MYO7B: variants seen among roughly 807,000 people sequenced by gnomAD.
MYO7B encodes unconventional myosin-VIIb.
Under a neutral mutation model 259.7 loss-of-function variants are expected in MYO7B, and 212 were observed. That is an observed-to-expected ratio of 0.82 (90% confidence interval 0.73 to 0.91). MYO7B has a LOEUF of 0.91. MYO7B is among the 40% of genes least tolerant of loss of function. The pLI, the probability that MYO7B is intolerant of heterozygous loss-of-function variation, is 0.00. For missense variants in MYO7B, 2,732 were observed against 2,813.5 expected, an observed-to-expected ratio of 0.97 and a Z score of 0.66; for synonymous variants, 1,197 against 1,166.4, an observed-to-expected ratio of 1.03 and a Z score of -0.54.
chr2:127,635,590 T>A, intron 43 of MYO7B, 132 bp from the exon 44 acceptor site: 1 of 999,814 alleles, frequency 1.0e-6, no homozygotes, highest in Non-Finnish European at 1.4e-6. Flanking sequence ...GGCCTGAAAC[T>A]CTCTACCCTG....
intron 22 of MYO7B, 67 bp downstream of exon 22, chr2:127,608,945 C>T: frequency 1.3e-6 from 2 of 1,533,078 alleles, no homozygotes; most frequent in Non-Finnish European, 1.8e-6. Context: ...AGTCCGTGAA[C>T]TCAGTCCACC....
chr2:127,543,419 C>A lies in MYO7B; in HGVS notation c.-24+7588C>A, dbSNP rs552309186. Among the ~76,000 whole-genome samples, 7 of 152,122 alleles carry A rather than the reference C, an allele frequency of 4.6e-5. No individual in the cohort carries two copies. In the South Asian group the frequency reaches 8.3e-4, roughly 18 times the overall value. On this transcript the variant is annotated intron_variant, in intron 1 of 47. Transcript: ENST00000409816. Reference sequence around the variant, plus strand: ...TGTTTCTGCGAGCACAGGGTTGGGGCTAGGGTTACAGATTAACAGCATCTC... The same window carrying A: ...TGTTTCTGCGAGCACAGGGTTGGGGATAGGGTTACAGATTAACAGCATCTC...
rs781102102 is a variant in MYO7B at position 127,627,014 on chromosome 2, C to T, written c.4255C>T (p.Arg1419Ter). Residue 1419 changes from arginine (R) to a stop codon, truncating the protein, a stop_gained, in exon 32 of 48, where the codon CGA (arginine) becomes TGA (stop). Coordinates refer to ENST00000409816, the MANE Select transcript of MYO7B (RefSeq NM_001393586.1). LOFTEE classifies it high-confidence loss of function. This position sits in a 1 kb window ranked among gnomAD's most constrained non-coding sequence, Gnocchi z 5.6. ...TQKQVTPLAV[R>*]EQVVDAARLQ... ...GAAGCAAGTCACACCACTGGCCGTGCGAGAGCAGGTGGTGGACGCCGCCCG... is the reference window on the plus strand; with the variant it reads ...GAAGCAAGTCACACCACTGGCCGTGTGAGAGCAGGTGGTGGACGCCGCCCG... The T allele has an allele frequency of 1.1e-5, 18 of 1,611,084 alleles. No homozygotes were observed. The highest frequency in any genetic ancestry group is 4.5e-5 in the East Asian group (2 of 44,782).
intron 1 of MYO7B, among the ~76,000 whole-genome samples, chr2:127,555,965 T>G (rs1259764188): frequency 6.6e-6 from 1 of 152,198 alleles, no homozygotes; most frequent in Non-Finnish European, 1.5e-5. Context: ...ACTTCTGTCT[T>G]GAGGACCTGC....
intron 19 of MYO7B, among the ~76,000 whole-genome samples, chr2:127,603,804 G>A (rs1339302969): frequency 6.6e-6 from 1 of 152,184 alleles, no homozygotes; most frequent in Non-Finnish European, 1.5e-5. Context: ...AGTCCTAGTG[G>A]CGTCTTCTTC....
chr2:127,603,856 A>G lies in MYO7B; in HGVS notation c.2340-1988A>G, dbSNP rs932836262. On this transcript the variant is annotated intron_variant, in intron 19 of 47. Coordinates refer to ENST00000409816, the MANE Select transcript of MYO7B (RefSeq NM_001393586.1). ...TGTCTACATTGAAAATCTGTTGGCC[A>G]GGTGTGGTGGCTCATGCCTGTAATC... Among the ~76,000 whole-genome samples, 11 of 152,344 alleles carry G rather than the reference A, an allele frequency of 7.2e-5. No homozygotes were observed. In the East Asian group the frequency reaches 1.9e-3, roughly 27 times the overall value.
chr2:127,625,360 C>G lies in MYO7B; in HGVS notation c.4048-8C>G, dbSNP rs936270634. 4.5e-6 allele frequency: 7 copies of G among 1,549,330 alleles called. No homozygotes were observed. In the African/African-American group the frequency reaches 9.6e-5, roughly 21 times the overall value. On this transcript the variant is annotated splice_polypyrimidine_tract_variant and splice_region_variant and intron_variant, in intron 30 of 47. Coordinates refer to ENST00000409816, the MANE Select transcript of MYO7B (RefSeq NM_001393586.1). ...CACTCGCCCCCGTGGGTGCCCTGGG[C>G]TGTGCAGGAGGAAGAGCTGGTTGAG...
chr2:127,607,424 T>A lies in MYO7B; in HGVS notation c.2643T>A (p.Asn881Lys). 2 of 1,550,692 alleles carry A rather than the reference T, an allele frequency of 1.3e-6. No homozygotes were observed. The highest frequency in any genetic ancestry group is 1.7e-6 in the Non-Finnish European group (2 of 1,146,720). ...GCAACTTCCAGCAAAGGAAGGCCAATGTAGGTGGTCACCTGGCCTCTTGGG... is the reference window on the plus strand; with the variant it reads ...GCAACTTCCAGCAAAGGAAGGCCAAAGTAGGTGGTCACCTGGCCTCTTGGG... Reference protein sequence around the residue: ...ARRNFQQRKANAPLVIPAEGQ... With the variant: ...ARRNFQQRKAKAPLVIPAEGQ... Residue 881 changes from asparagine (N) to lysine (K), a missense_variant and splice_region_variant, in exon 21 of 48, where the codon AAT becomes AAA. By Grantham distance (94) the Asn-to-Lys change is moderately conservative. This residue lies in a region of MYO7B where 1,906 missense variants were observed against 2,026.4 expected (regional missense o/e 0.94). Coordinates refer to ENST00000409816, the MANE Select transcript of MYO7B (RefSeq NM_001393586.1). This position sits in a 1 kb window ranked among gnomAD's most constrained non-coding sequence, Gnocchi z 4.4.
At chr2:127,634,036 G>A (rs780719565) in intron 40 of MYO7B, 140 bp from the exon 41 acceptor site, 3 of 646,294 alleles carry the variant, frequency 4.6e-6, no homozygotes, top group Non-Finnish European at 8.1e-6. Context: ...GTTCTGGAAG[G>A]GAGGCTTGCC....
chr2:127,593,718 G>C (rs569321350), intron 18 of MYO7B, 74 bp downstream of exon 18: 2 of 1,376,162 alleles, frequency 1.5e-6, no homozygotes, highest in Non-Finnish European at 2.1e-6. Context: ...CACCAGGCCC[G>C]GGGTCCATGG....
In MYO7B at chr2:127,627,759, A is replaced by T. The variant is rs772132418; in HGVS notation, c.4460+449A>T. On this transcript the variant is annotated intron_variant, in intron 33 of 47. Coordinates refer to ENST00000409816, the MANE Select transcript of MYO7B (RefSeq NM_001393586.1). This position sits in a 1 kb window ranked among gnomAD's most constrained non-coding sequence, Gnocchi z 5.6. ...TAGGCTGGGGCTGACCCCCACTCCC[A>T]TGGGTCTCCATGGATCTCATTGACT... 4.4e-6 allele frequency: 2 copies of T among 458,288 alleles called. No homozygotes were observed. The allele number at this position is 458,288 out of a possible 1,614,324, so 28.4% of individuals were successfully genotyped here.
At chr2:127,558,090 T>C (rs1052130593) in intron 1 of MYO7B, among the ~76,000 whole-genome samples, 10 of 152,036 alleles carry the variant, frequency 6.6e-5, no homozygotes, top group Non-Finnish European at 1.3e-4. Context: ...CTTCACAAAC[T>C]ATGCATCTGA....
chr2:127,605,725 C>T (rs775620781), intron 19 of MYO7B, 119 bp from the exon 20 acceptor site: 11 of 830,378 alleles, frequency 1.3e-5, no homozygotes, highest in Middle Eastern at 4.5e-4. Flanking sequence ...AAGGATTGTA[C>T]GTATTCATTT....
rs1402247806 is a variant in MYO7B, at chr2:127,625,439, T to G, written c.4119T>G (p.Ala1373=). The change falls in exon 31 of 48, where the codon GCT becomes GCG. Residue 1373 remains alanine (A), a synonymous_variant. Coordinates refer to ENST00000409816, the MANE Select transcript of MYO7B (RefSeq NM_001393586.1). ...TCGGCGCCTCAGCAGAGAGCAAGGCTGTCCAGGAGCTGCTGCCCAGCTGCA... is the reference window on the plus strand; with the variant it reads ...TCGGCGCCTCAGCAGAGAGCAAGGCGGTCCAGGAGCTGCTGCCCAGCTGCA... ...VQLGASAESK[A]VQELLPSCIP... is the part of the protein sequence containing the mutation. The G allele has an allele frequency of 6.2e-7, 1 of 1,611,558 alleles. No individual in the cohort carries two copies. The highest frequency in any genetic ancestry group is 8.5e-7 in the Non-Finnish European group (1 of 1,179,456).
At position 127,590,974 on chromosome 2, in the gene MYO7B, G is replaced by C. The variant is rs1679535815; in HGVS notation, c.1992+745G>C. On this transcript the variant is annotated intron_variant, in intron 16 of 47. Transcript: ENST00000409816. This position sits in a 1 kb window ranked among gnomAD's most constrained non-coding sequence, Gnocchi z 4.6. ...TTTGGGAGGCTGAGGCGGGAGGATT[G>C]CTTGAGGCAAGCCTGGGCAACATAG... Among the ~76,000 whole-genome samples the C allele has an allele frequency of 6.6e-6, 1 of 152,194 alleles. No individual in the cohort carries two copies. Among genetic ancestry groups the C allele is most frequent in the South Asian group, 2.1e-4 (1 of 4,828 alleles).
At chr2:127,556,673 C>T (rs1443048855) in intron 1 of MYO7B, among the ~76,000 whole-genome samples, 1 of 152,124 alleles carries the variant, frequency 6.6e-6, no homozygotes, top group South Asian at 2.1e-4. Flanking sequence ...ATACAAAATT[C>T]TTGGCTGATA....
chr2:127,631,608 C>T lies in MYO7B; in HGVS notation c.5104C>T (p.Arg1702Trp), dbSNP rs758438016. 9.5e-5 allele frequency: 153 copies of T among 1,612,906 alleles called. No homozygotes were observed. The highest frequency in any genetic ancestry group is 1.2e-4 in the Non-Finnish European group (140 of 1,179,760). The change falls in exon 38 of 48, where the codon CGG becomes TGG. Residue 1702 changes from arginine to tryptophan, a missense_variant. This residue lies in a region of MYO7B where 821 missense variants were observed against 769.3 expected (regional missense o/e 1.07). Coordinates refer to ENST00000409816, the MANE Select transcript of MYO7B (RefSeq NM_001393586.1). Reference sequence around the variant, plus strand: ...CTCCTTGACAGCCACACCCATCCTCCGGTACATGGGCGACTACCCTTCTCG... The same window carrying T: ...CTCCTTGACAGCCACACCCATCCTCTGGTACATGGGCGACTACCCTTCTCG... ...IACQIFVAILRYMGDYPSRQA... is the reference protein window; with the variant it reads ...IACQIFVAILWYMGDYPSRQA...
At chr2:127,602,233 C>T (rs914389182) in intron 19 of MYO7B, among the ~76,000 whole-genome samples, 14 of 152,266 alleles carry the variant, frequency 9.2e-5, no homozygotes, top group East Asian at 1.9e-4. Flanking sequence ...AAGTATCTAC[C>T]GCTGTCATCA....
intron 19 of MYO7B, among the ~76,000 whole-genome samples, chr2:127,598,797 A>G (rs372363608): frequency 3.6e-4 from 55 of 152,144 alleles, no homozygotes; most frequent in African/African-American, 1.3e-3. Flanking sequence ...ATTTTTTTCT[A>G]TGGTTGTCTC....
Sources: allele counts gnomAD v4.1 joint callset (sites outside exome capture counted in the v4.1 genomes callset), GRCh38; gene constraint gnomAD v4.1.1; regional missense constraint gnomAD v4.1.1; non-coding constraint Gnocchi (gnomAD v3.1); transcripts MANE v1.5; gene names NCBI Gene and HGNC (gene_info 2026-07-23, HGNC 2026-07-21).